The following SGF29 variants were observed in gnomAD, a reference collection of about 807,000 sequenced individuals.
The protein encoded by SGF29 is SAGA complex associated factor 29, also known as SAGA-associated factor 29.
SGF29 carries 15 observed loss-of-function variants against 38.1 expected under a neutral mutation model. The ratio of observed to expected loss-of-function variants is 0.39; its 90% CI spans 0.26 to 0.61. The LOEUF (loss-of-function observed/expected upper bound fraction) is 0.61, where lower values mean the gene tolerates loss of function less well. Among genes scored for constraint, SGF29 ranks in the 20% least tolerant of loss-of-function variants. The probability of loss-of-function intolerance (pLI) is 0.49; values close to 1 mark genes in which losing one functional copy is unlikely to be tolerated. For missense variants in SGF29, 184 were observed against 394.6 expected (o/e 0.47, Z 4.52); for synonymous variants, 151 against 160.8 (o/e 0.94, Z 0.46).
intron 1 of SGF29, among the ~76,000 whole-genome samples, chr16:28,575,369 G>A (rs1356957005): frequency 6.6e-6 from 1 of 152,186 alleles, no homozygotes; most frequent in Non-Finnish European, 1.5e-5. Context: ...TTAAAAACAT[G>A]TGCTTCCAAG....
chr16:28,563,806 C>T (rs2046804342), intron 1 of SGF29, among the ~76,000 whole-genome samples: 2 of 150,900 alleles, frequency 1.3e-5, no homozygotes, highest in East Asian at 2.0e-4. Context: ...CTGCAACCTC[C>T]ACCTCCTGGG....
intron 4 of SGF29, among the ~76,000 whole-genome samples, chr16:28,587,945 G>A (rs1200694587): frequency 4.6e-5 from 7 of 151,924 alleles, no homozygotes; most frequent in Non-Finnish European, 8.8e-5. Context: ...GATTATAGAC[G>A]CCCGCCACCA....
chr16:28,569,923 G>T (rs570650098), intron 1 of SGF29, among the ~76,000 whole-genome samples: 3 of 152,288 alleles, frequency 2.0e-5, no homozygotes, highest in Non-Finnish European at 2.9e-5. Flanking sequence ...TCCACATGGC[G>T]CTGTCTTTGC....
rs543411215 is a variant in SGF29 at position 28,590,184 on chromosome 16, G to A, written c.378G>A (p.Ser126=). ...RGVLMTLLQQ[S]AMTLPLWIGK... ...TGCTGATGACCCTGCTGCAGCAGTC[G>A]GCCATGACCCTGCCCCTGTGGATCG... The change falls in exon 6 of 10, where the codon TCG becomes TCA. Residue 126 remains serine, a synonymous_variant. Coordinates refer to ENST00000317058, the MANE Select transcript of SGF29 (RefSeq NM_138414.3). The surrounding 1 kb of genome is among the most constrained non-coding windows in gnomAD (Gnocchi z 8.2). The A allele has an allele frequency of 3.5e-5, 56 of 1,610,838 alleles. 1 individual carries two copies. The highest frequency in any genetic ancestry group is 3.3e-4 in the Middle Eastern group (2 of 6,052).
chr16:28,574,131 G>A (rs1040246324), intron 1 of SGF29, among the ~76,000 whole-genome samples: 1 of 152,344 alleles, frequency 6.6e-6, no homozygotes, highest in South Asian at 2.1e-4. Context: ...AAAGACCGAG[G>A]CAAGTTTCAG....
At chr16:28,576,907 C>T (rs1016710063) in intron 1 of SGF29, among the ~76,000 whole-genome samples, 1 of 152,198 alleles carries the variant, frequency 6.6e-6, no homozygotes, top group Admixed American at 6.5e-5. Context: ...GTAATCCCAG[C>T]ACTTTGGGAG....
chr16:28,573,234 GAGAT>G (rs1383211745), intron 1 of SGF29, among the ~76,000 whole-genome samples: 12 of 152,136 alleles, frequency 7.9e-5, no homozygotes, highest in Non-Finnish European at 1.8e-4. Flanking sequence ...GGGGGTGTAA[GAGAT>G]AGCCAGGCTC....
At chr16:28,564,753 ATG>A (rs1567286145) in intron 1 of SGF29, among the ~76,000 whole-genome samples, 20 of 75,378 alleles carry the variant, frequency 2.7e-4, no homozygotes, top group Admixed American at 3.8e-4. Context: ...ATGTATATAT[ATG>A]TATATATGTA....
chr16:28,565,184 G>A (rs992084285), intron 1 of SGF29, among the ~76,000 whole-genome samples: 1 of 152,144 alleles, frequency 6.6e-6, no homozygotes, highest in Admixed American at 6.6e-5. Flanking sequence ...CAGCCAACTG[G>A]ACGGTGCCCA....
At chr16:28,573,863 TG>T (rs1476243055) in intron 1 of SGF29, among the ~76,000 whole-genome samples, 1 of 151,886 alleles carries the variant, frequency 6.6e-6, no homozygotes, top group African/African-American at 2.4e-5. Flanking sequence ...AGGTTTGAAG[TG>T]TGCTAAGGGA....
chr16:28,571,585 C>G (rs937181265), intron 1 of SGF29, among the ~76,000 whole-genome samples: 1 of 133,626 alleles, frequency 7.5e-6, no homozygotes, highest in African/African-American at 2.7e-5. Flanking sequence ...GAACTAGACT[C>G]CGCCTTAAAA....
In SGF29 at chr16:28,581,241, C is replaced by G. The variant is rs1279883346; in HGVS notation, c.75+97C>G. The G allele has an allele frequency of 2.8e-6, 3 of 1,087,622 alleles. No individual in the cohort carries two copies. The East Asian group carries it at 7.4e-5, about 27-fold the overall frequency. 67.4% of individuals were successfully genotyped at this position (1,087,622 alleles called of 1,614,324 possible). On this transcript the variant is annotated intron_variant, in intron 2 of 9. Coordinates refer to ENST00000317058, the MANE Select transcript of SGF29 (RefSeq NM_138414.3). ...CATTTGTGTTCAGAGAGATTGGACT[C>G]GCAGGAACCAAAATGACGTAATAAA... is the stretch of plus-strand genomic sequence containing the variant.
chr16:28,570,375 T>C (rs1321752816), intron 1 of SGF29, among the ~76,000 whole-genome samples: 5 of 152,148 alleles, frequency 3.3e-5, no homozygotes, highest in African/African-American at 9.7e-5. Context: ...CTTTCTTCTT[T>C]GTTGTTTCTC....
chr16:28,560,960 CAAAA>C (rs531139717), intron 1 of SGF29, among the ~76,000 whole-genome samples: 78 of 89,242 alleles, frequency 8.7e-4, no homozygotes, highest in Admixed American at 2.1e-3. Context: ...GACTCTGTCT[CAAAA>C]AAAAAAAAAA....
Position 28,589,177 on chromosome 16 carries a change from G to T in SGF29, c.289+13G>T. ...GAGAGGCGGATTGGTGAGTGGGAGA[G>T]AACATGCTGGGAGGTCCTTTGCTAG... On this transcript the variant is annotated intron_variant, in intron 5 of 9. Transcript: ENST00000317058. 2 of 1,613,972 alleles carry T rather than the reference G, an allele frequency of 1.2e-6. No individual in the cohort carries two copies. Among genetic ancestry groups the T allele is most frequent in the South Asian group, 1.1e-5 (1 of 91,074 alleles).
intron 1 of SGF29, among the ~76,000 whole-genome samples, chr16:28,567,593 AG>A (rs1350592881): frequency 1.3e-5 from 2 of 152,224 alleles, no homozygotes; most frequent in Non-Finnish European, 2.9e-5. Flanking sequence ...ATACTAGAAA[AG>A]GTTTACATTG....
intron 1 of SGF29, among the ~76,000 whole-genome samples, chr16:28,558,738 C>G (rs1205036276): frequency 6.6e-6 from 1 of 152,212 alleles, no homozygotes; most frequent in Non-Finnish European, 1.5e-5. Flanking sequence ...AATGAAGTTA[C>G]TGATACATGC....
At chr16:28,556,698 C>T (rs2046754688) in intron 1 of SGF29, among the ~76,000 whole-genome samples, 1 of 151,754 alleles carries the variant, frequency 6.6e-6, no homozygotes, top group African/African-American at 2.4e-5. Flanking sequence ...CAGGCTGGAG[C>T]CTAGTGGTGC....
At chr16:28,561,708 C>T (rs2046791320) in intron 1 of SGF29, among the ~76,000 whole-genome samples, 1 of 152,146 alleles carries the variant, frequency 6.6e-6, no homozygotes, top group Non-Finnish European at 1.5e-5. Flanking sequence ...CTGAGCCTCT[C>T]AGGGTTTGGG....
Sources: gnomAD v4.1 joint callset for allele counts (sites outside exome capture counted in the v4.1 genomes callset) on GRCh38, gnomAD v4.1.1 for gene constraint, Gnocchi (gnomAD v3.1) non-coding constraint, MANE v1.5 for transcripts, NCBI Gene and HGNC (gene_info 2026-07-23, HGNC 2026-07-21) for gene names.